Variants in SMOC2 observed in about 807,000 individuals in gnomAD.
The protein encoded by SMOC2 is SPARC related modular calcium binding 2.
Under a neutral mutation model 61.4 loss-of-function variants are expected in SMOC2, and 39 were observed. The observed-to-expected ratio is 0.64, with a 90% CI of 0.49 to 0.83. The LOEUF is 0.83. SMOC2 is among the 40% of genes least tolerant of loss of function. The pLI, the probability that SMOC2 is intolerant of heterozygous loss-of-function variation, is 0.00. For synonymous variants in SMOC2, 247 were observed against 239.9 expected, an observed-to-expected ratio of 1.03 and a Z score of -0.27; for missense variants, 556 against 592.9, an observed-to-expected ratio of 0.94 and a Z score of 0.65.
At chr6:168,539,004 G>T (rs1783815813) in intron 4 of SMOC2, among the ~76,000 whole-genome samples, 1 of 152,056 alleles carries the variant, frequency 6.6e-6, no homozygotes, top group Non-Finnish European at 1.5e-5. Flanking sequence ...GTCAACTCAG[G>T]AAAACCACCA....
At chr6:168,451,413 G>A (rs1322426426) in intron 1 of SMOC2, among the ~76,000 whole-genome samples, 1 of 152,152 alleles carries the variant, frequency 6.6e-6, no homozygotes, top group Non-Finnish European at 1.5e-5. Context: ...CCAGAAACAG[G>A]ATGAAAGCAT....
rs534957508 is a variant in SMOC2, at chr6:168,597,815, A to G, written c.638-1003A>G. 8.7e-4 allele frequency among the ~76,000 whole-genome samples: 132 copies of G among 152,294 alleles called. 1 individual carries two copies. Among genetic ancestry groups the G allele is most frequent in the African/African-American group, 3.0e-3 (123 of 41,570 alleles). ...ACAGGTCACATGGTCTTTCATTCCT[A>G]GATGCTACCGCTCTCCCCCCAGGTG... On this transcript the variant is annotated intron_variant, in intron 7 of 12. Coordinates refer to ENST00000356284, the MANE Select transcript of SMOC2 (RefSeq NM_001166412.2).
intron 1 of SMOC2, among the ~76,000 whole-genome samples, chr6:168,492,291 A>G (rs1583054527): frequency 6.6e-6 from 1 of 152,230 alleles, no homozygotes; most frequent in East Asian, 1.9e-4. Flanking sequence ...ACACACACAC[A>G]TGCATGATGC....
chr6:168,492,477 A>C (rs971007853), intron 1 of SMOC2, among the ~76,000 whole-genome samples: 1 of 152,244 alleles, frequency 6.6e-6, no homozygotes, highest in South Asian at 2.1e-4. Flanking sequence ...ACCAATCTCA[A>C]CTTCACAAAG....
intron 11 of SMOC2, among the ~76,000 whole-genome samples, chr6:168,656,518 AAAAAAAAAAAAAGAAAAG>A (rs1787326258): frequency 6.9e-6 from 1 of 145,780 alleles, no homozygotes. Context: ...AAAAAAAAAA[AAAAAAAAAAAAAGAAAAG>A]AAAAGAAAAA....
intron 1 of SMOC2, among the ~76,000 whole-genome samples, chr6:168,471,289 G>A (rs1454163487): frequency 6.6e-6 from 1 of 152,124 alleles, no homozygotes; most frequent in Non-Finnish European, 1.5e-5. Flanking sequence ...CTATCAATCT[G>A]TCTTTATTAA....
chr6:168,666,535 A>T lies in SMOC2; in HGVS notation c.*97A>T. 3 of 1,277,178 alleles carry T rather than the reference A, an allele frequency of 2.3e-6. No homozygotes were observed. Among genetic ancestry groups the T allele is most frequent in the South Asian group, 1.2e-5 (1 of 80,392 alleles). 79.1% of individuals were successfully genotyped at this position (1,277,178 alleles called of 1,614,324 possible). The stretch of plus-strand genomic sequence containing the variant: ...AAAAACAGAAACACATAGTATTTGC[A>T]CTTTGTACTTTAAATGTAAATTCAC... On this transcript the variant is annotated 3_prime_UTR_variant, in exon 13 of 13. Coordinates refer to ENST00000356284, the MANE Select transcript of SMOC2 (RefSeq NM_001166412.2).
intron 2 of SMOC2, among the ~76,000 whole-genome samples, chr6:168,516,376 CAAA>C (rs3065283): frequency 3.0e-5 from 4 of 134,072 alleles, no homozygotes. Context: ...ATAGAAAAGC[CAAA>C]AAAAAAAAAA....
intron 7 of SMOC2, among the ~76,000 whole-genome samples, chr6:168,571,333 C>A (rs1007241682): frequency 6.6e-6 from 1 of 152,218 alleles, no homozygotes; most frequent in African/African-American, 2.4e-5. Flanking sequence ...TTCTGTTACG[C>A]AGTGCTGCAC....
At chr6:168,532,529 C>T (rs1272689729) in intron 4 of SMOC2, among the ~76,000 whole-genome samples, 2 of 73,704 alleles carry the variant, frequency 2.7e-5, no homozygotes, top group African/African-American at 6.3e-5. Context: ...GTGTTTGCAA[C>T]CCATTCTCCA....
intron 3 of SMOC2, among the ~76,000 whole-genome samples, chr6:168,526,942 G>A (rs1289867426): frequency 3.3e-5 from 5 of 152,324 alleles, no homozygotes; most frequent in Middle Eastern, 3.4e-3. Flanking sequence ...GCACTGTTGA[G>A]AAAGTCAGCC....
chr6:168,595,141 A>G (rs1785288775), intron 7 of SMOC2, among the ~76,000 whole-genome samples: 1 of 136,362 alleles, frequency 7.3e-6, no homozygotes, highest in Non-Finnish European at 1.6e-5. Context: ...AAGGCCTCAC[A>G]AGGGGCATCT....
In SMOC2 at chr6:168,479,532, C is replaced by T. The variant is rs148534255; in HGVS notation, c.85-30383C>T. Among the ~76,000 whole-genome samples, 373 of 152,212 alleles carry T rather than the reference C, an allele frequency of 2.5e-3. 2 individuals carry two copies. Among genetic ancestry groups the T allele is most frequent in the African/African-American group, 8.4e-3 (348 of 41,536 alleles). On this transcript the variant is annotated intron_variant, in intron 1 of 12. Transcript: ENST00000356284. ...AACTCTGGAGTCCATTGAAAGTTTGCGGTTTCTAGGTAAAGGCTTGGACAG... is the reference window on the plus strand; with the variant it reads ...AACTCTGGAGTCCATTGAAAGTTTGTGGTTTCTAGGTAAAGGCTTGGACAG...
At chr6:168,578,472 G>C (rs1784854623) in intron 7 of SMOC2, among the ~76,000 whole-genome samples, 1 of 152,190 alleles carries the variant, frequency 6.6e-6, no homozygotes, top group South Asian at 2.1e-4. Flanking sequence ...CATTGAATTT[G>C]AGTTTGTTCA....
intron 2 of SMOC2, among the ~76,000 whole-genome samples, chr6:168,516,730 A>G (rs1182096213): frequency 6.6e-6 from 1 of 152,168 alleles, no homozygotes; most frequent in Non-Finnish European, 1.5e-5. Flanking sequence ...TTAGGCGGGC[A>G]GATCATGAGG....
At chr6:168,570,177 G>C (rs1784633313) in intron 7 of SMOC2, among the ~76,000 whole-genome samples, 1 of 152,090 alleles carries the variant, frequency 6.6e-6, no homozygotes, top group Non-Finnish European at 1.5e-5. Flanking sequence ...CTGGGTTAAG[G>C]CTGAAAAATA....
intron 1 of SMOC2, among the ~76,000 whole-genome samples, chr6:168,442,662 C>T (rs1044365926): frequency 1.3e-5 from 2 of 152,200 alleles, no homozygotes; most frequent in African/African-American, 4.8e-5. Flanking sequence ...AAGCTGTGGT[C>T]GGTTCTGCCT....
intron 9 of SMOC2, among the ~76,000 whole-genome samples, chr6:168,650,328 T>C (rs1787159315): frequency 6.6e-6 from 1 of 152,112 alleles, no homozygotes; most frequent in African/African-American, 2.4e-5. Flanking sequence ...CCTCATGTGC[T>C]CTCAGCGTGC....
chr6:168,548,261 T>C (rs1328028894), intron 6 of SMOC2, among the ~76,000 whole-genome samples: 1 of 152,122 alleles, frequency 6.6e-6, no homozygotes, highest in African/African-American at 2.4e-5. Context: ...CCCAAGTCCA[T>C]CTGGGTGTAA....
Sources: gnomAD v4.1 joint callset for allele counts (sites outside exome capture counted in the v4.1 genomes callset) on GRCh38, gnomAD v4.1.1 for gene constraint, MANE v1.5 for transcripts, NCBI Gene and HGNC (gene_info 2026-07-23, HGNC 2026-07-21) for gene names.